Variants in ADAMTS18 observed in about 807,000 individuals in gnomAD.
ADAMTS18 encodes the protein A disintegrin and metalloproteinase with thrombospondin motifs 18.
A neutral mutation model predicts 165.9 loss-of-function variants in ADAMTS18; 157 were observed. The observed-to-expected ratio is 0.95, with a 90% CI of 0.83 to 1.08. The LOEUF (loss-of-function observed/expected upper bound fraction) is 1.08. Ranked by LOEUF, ADAMTS18 falls within the 50% of genes least tolerant of loss-of-function variation. The probability of loss-of-function intolerance (pLI) is 0.00; values close to 1 mark genes in which losing one functional copy is unlikely to be tolerated. For missense variants in ADAMTS18, 2,040 were observed against 1,534.0 expected (o/e 1.33, Z -5.51); for synonymous variants, 782 against 578.2 (o/e 1.35, Z -5.06).
intron 3 of ADAMTS18, among the ~76,000 whole-genome samples, chr16:77,401,259 A>G (rs529403480): frequency 6.6e-6 from 1 of 152,150 alleles, no homozygotes; most frequent in Non-Finnish European, 1.5e-5. Flanking sequence ...ATCTCAAAAC[A>G]ACAACAATAA....
At chr16:77,385,362 A>T (rs1187447947) in intron 3 of ADAMTS18, among the ~76,000 whole-genome samples, 1 of 152,236 alleles carries the variant, frequency 6.6e-6, no homozygotes, top group Non-Finnish European at 1.5e-5. Context: ...TGCTGAAAAT[A>T]GTGACTTTCT....
In ADAMTS18 at chr16:77,291,474, G is replaced by C; in HGVS notation, c.3194C>G (p.Ser1065Cys). Residue 1065 changes from serine (S) to cysteine (C), a missense_variant, in exon 21 of 23, where the codon TCT (serine) becomes TGT (cysteine). Physicochemically the swap from Ser to Cys is moderately radical, Grantham distance 112. Coordinates refer to ENST00000282849, the MANE Select transcript of ADAMTS18 (RefSeq NM_199355.4). ...CCTCACACCCAAACCACAGGTTGCA[G>C]AACACTAGGAGCCAAGACAGGATGT... ...QWVASSWSEC[S>C]ATCGLGVRKR... 6.2e-7 allele frequency: 1 copy of C among 1,614,142 alleles called. No individual in the cohort carries two copies. The highest frequency in any genetic ancestry group is 8.5e-7 in the Non-Finnish European group (1 of 1,180,010).
At chr16:77,373,391 G>A (rs570085132) in intron 3 of ADAMTS18, among the ~76,000 whole-genome samples, 2 of 151,602 alleles carry the variant, frequency 1.3e-5, no homozygotes, top group East Asian at 2.0e-4. Context: ...CACGGGAGGC[G>A]GAGGTTGCAG....
intron 12 of ADAMTS18, among the ~76,000 whole-genome samples, chr16:77,334,689 A>G (rs1241811888): frequency 8.9e-6 from 1 of 111,870 alleles, no homozygotes; most frequent in East Asian, 2.6e-4. Context: ...TAGTATATAT[A>G]TATAGTATAT....
chr16:77,346,695 A>G (rs1451152370), intron 10 of ADAMTS18, among the ~76,000 whole-genome samples: 2 of 152,202 alleles, frequency 1.3e-5, no homozygotes, highest in Non-Finnish European at 2.9e-5. Flanking sequence ...ATTTAAGCCC[A>G]TGTATGCCTG....
chr16:77,378,449 T>C (rs274528), intron 3 of ADAMTS18, among the ~76,000 whole-genome samples: 56,743 of 151,876 alleles, frequency 0.37, 11,219 homozygotes, highest in Non-Finnish European at 0.44. Context: ...GCACGGTAGC[T>C]CACACCTGTA....
At chr16:77,344,155 G>GTATATATATATATA (rs150411045) in intron 10 of ADAMTS18, among the ~76,000 whole-genome samples, 1 of 140,260 alleles carries the variant, frequency 7.1e-6, no homozygotes, top group Non-Finnish European at 1.5e-5. Context: ...ATGTGTGTGT[G>GTATATATATATATA]TATATATATA....
chr16:77,364,440 T>C, intron 4 of ADAMTS18, 59 bp from the exon 5 acceptor site: 1 of 1,561,578 alleles, frequency 6.4e-7, no homozygotes, highest in Non-Finnish European at 8.7e-7. Flanking sequence ...ATAAGACAGT[T>C]GAGAGAGAAA....
intron 22 of ADAMTS18, among the ~76,000 whole-genome samples, chr16:77,285,767 T>TGCTTCACGTTCTCCATGCAA (rs2055238426): frequency 6.6e-6 from 1 of 152,202 alleles, no homozygotes; most frequent in African/African-American, 2.4e-5. Flanking sequence ...ATCATTTCTT[T>TGCTTCACGTTCTCCATGCAA]GCTTCACGTT....
At chr16:77,365,563 G>T (rs2056781153) in intron 4 of ADAMTS18, among the ~76,000 whole-genome samples, 2 of 152,304 alleles carry the variant, frequency 1.3e-5, no homozygotes, top group South Asian at 4.1e-4. Context: ...CTGGCAAAGG[G>T]TGCGCACCAA....
chr16:77,413,128 A>G (rs1312112336), intron 3 of ADAMTS18, among the ~76,000 whole-genome samples: 1 of 152,172 alleles, frequency 6.6e-6, no homozygotes, highest in East Asian at 1.9e-4. Context: ...AGCAACAAGA[A>G]TAGACAGAGG....
intron 11 of ADAMTS18, among the ~76,000 whole-genome samples, chr16:77,336,664 T>C (rs563207663): frequency 6.6e-6 from 1 of 152,364 alleles, no homozygotes; most frequent in Admixed American, 6.5e-5. Flanking sequence ...GGAGAGCTTT[T>C]TTCTGTATTA....
intron 16 of ADAMTS18, among the ~76,000 whole-genome samples, chr16:77,308,214 T>C (rs1238665312): frequency 6.6e-6 from 1 of 152,136 alleles, no homozygotes; most frequent in Non-Finnish European, 1.5e-5. Flanking sequence ...TAAAACTTTT[T>C]AAAAAAGGAA....
At chr16:77,387,420 C>T (rs2057124495) in intron 3 of ADAMTS18, among the ~76,000 whole-genome samples, 1 of 152,158 alleles carries the variant, frequency 6.6e-6, no homozygotes. Context: ...TCTAGGCTTC[C>T]AGATTACCAA....
intron 12 of ADAMTS18, among the ~76,000 whole-genome samples, chr16:77,329,783 A>C (rs1470964392): frequency 2.0e-5 from 3 of 152,182 alleles, no homozygotes; most frequent in Non-Finnish European, 4.4e-5. Context: ...AGCCTAACAG[A>C]CAATTCTATC....
intron 19 of ADAMTS18, 50 bp downstream of exon 19, chr16:77,294,873 T>A (rs1377662933): frequency 6.3e-7 from 1 of 1,577,262 alleles, no homozygotes; most frequent in Non-Finnish European, 8.7e-7. Flanking sequence ...ACCTCTACTT[T>A]TGCCTTCATG....
intron 3 of ADAMTS18, among the ~76,000 whole-genome samples, chr16:77,411,478 T>C (rs2057462173): frequency 6.6e-6 from 1 of 152,122 alleles, no homozygotes; most frequent in Non-Finnish European, 1.5e-5. Flanking sequence ...TAGATCATTA[T>C]TTTGGAGTTC....
chr16:77,429,482 G>T (rs1051751719), intron 3 of ADAMTS18, among the ~76,000 whole-genome samples: 2 of 152,124 alleles, frequency 1.3e-5, no homozygotes, highest in Admixed American at 6.5e-5. Flanking sequence ...TAACCATTGG[G>T]TACTGGGCTT....
chr16:77,434,566 C>A (rs1222951620), intron 1 of ADAMTS18, 40 bp downstream of exon 1: 2 of 1,530,742 alleles, frequency 1.3e-6, no homozygotes, highest in Non-Finnish European at 1.7e-6. Flanking sequence ...TCGGGCGCCC[C>A]CTGCCACCCG....
Sources: allele counts gnomAD v4.1 joint callset (sites outside exome capture counted in the v4.1 genomes callset), GRCh38; gene constraint gnomAD v4.1.1; transcripts MANE v1.5; gene names NCBI Gene and HGNC (gene_info 2026-07-23, HGNC 2026-07-21).